DDX43: variants seen among roughly 807,000 people sequenced by gnomAD.
DDX43 encodes the protein DEAD-box helicase 43.
Under a neutral mutation model 84.9 loss-of-function variants are expected in DDX43, and 50 were observed. That is an observed-to-expected ratio of 0.59 (90% CI 0.47 to 0.75). The LOEUF (loss-of-function observed/expected upper bound fraction) is 0.75, where lower values mean the gene tolerates loss of function less well. Ranked by LOEUF, DDX43 falls within the 30% of genes least tolerant of loss-of-function variation. The pLI is 0.00. For missense variants in DDX43, 689 were observed against 798.6 expected (o/e 0.86, Z 1.65); for synonymous variants, 291 against 266.3 (o/e 1.09, Z -0.90).
chr6:73,412,399 C>T (rs12209309), intron 11 of DDX43, 107 bp downstream of exon 11: 18,365 of 765,726 alleles, frequency 0.024, 316 homozygotes, highest in East Asian at 0.045. Flanking sequence ...GGGCAAATCA[C>T]ACTTGCATAT....
Position 73,409,291 on chromosome 6 carries a change from C to T in DDX43, c.1223C>T (p.Pro408Leu). ...AAGATGTTGGACATGGGATTTGAAC[C>T]CCAGATAATGAAGATTTTGTTAGAT... is the stretch of plus-strand genomic sequence containing the variant. ...ADKMLDMGFE[P>L]QIMKILLDVR... Residue 408 changes from proline (P) to leucine (L), a missense_variant, in exon 10 of 17, where the codon CCC (proline) becomes CTC (leucine). Around this residue, in one of 2 missense-constraint regions of DDX43, gnomAD observed 552 missense variants for 692.7 expected, o/e 0.80. Transcript: ENST00000370336. The T allele has an allele frequency of 1.9e-6, 3 of 1,613,990 alleles. No individual in the cohort carries two copies. The highest frequency in any genetic ancestry group is 2.5e-6 in the Non-Finnish European group (3 of 1,179,970).
chr6:73,400,483 T>A, intron 3 of DDX43, 120 bp downstream of exon 3: 1 of 922,046 alleles, frequency 1.1e-6, no homozygotes, highest in Non-Finnish European at 1.5e-6. Flanking sequence ...AATGCAGTCT[T>A]AATGATTTTT....
rs983061443 is a variant in DDX43, at chr6:73,400,333, G to A, written c.406G>A (p.Glu136Lys). The part of the protein sequence containing the change: ...AVIDNFVKKL[E>K]ENYNSECGID... Reference sequence around the variant, plus strand: ...GATAGACAATTTTGTTAAAAAGCTAGAAGAAAATTACAATTCAGAATGCGG... The same window carrying A: ...GATAGACAATTTTGTTAAAAAGCTAAAAGAAAATTACAATTCAGAATGCGG... The change falls in exon 3 of 17, where the codon GAA (glutamate) becomes AAA (lysine). Residue 136 changes from glutamate to lysine, a missense_variant. This residue lies in a region of DDX43 where 552 missense variants were observed against 692.7 expected (regional missense o/e 0.80). Transcript: ENST00000370336. 7.5e-6 allele frequency: 12 copies of A among 1,607,232 alleles called. No individual in the cohort carries two copies. The highest frequency in any genetic ancestry group is 1.0e-5 in the Non-Finnish European group (12 of 1,177,848).
intron 11 of DDX43, among the ~76,000 whole-genome samples, chr6:73,412,534 GTGTT>G (rs752234731): frequency 5.3e-5 from 8 of 151,666 alleles, no homozygotes; most frequent in Admixed American, 6.6e-5. Flanking sequence ...GTGTGTGTGT[GTGTT>G]TGTGTCAGAG....
intron 11 of DDX43, 135 bp from the exon 12 acceptor site, chr6:73,413,523 G>T: frequency 1.3e-6 from 1 of 769,286 alleles, no homozygotes; most frequent in Non-Finnish European, 1.9e-6. Flanking sequence ...AATTTTTTTA[G>T]GACGTCTGCC....
intron 2 of DDX43, among the ~76,000 whole-genome samples, chr6:73,399,867 A>C (rs2150789523): frequency 6.6e-6 from 1 of 152,304 alleles, no homozygotes; most frequent in Middle Eastern, 3.4e-3. Context: ...AATTCTGTAA[A>C]ATTAGCGAAA....
At chr6:73,415,670 G>C in intron 15 of DDX43, 86 bp downstream of exon 15, 2 of 963,534 alleles carry the variant, frequency 2.1e-6, no homozygotes, top group Non-Finnish European at 3.1e-6. Context: ...TATTTATCAG[G>C]AAGCTTCAAA....
chr6:73,414,618 C>G lies in DDX43; in HGVS notation c.1677C>G (p.Val559=), dbSNP rs541088081. The G allele has an allele frequency of 1.2e-6, 2 of 1,613,470 alleles. No homozygotes were observed. Among genetic ancestry groups the G allele is most frequent in the Non-Finnish European group, 1.7e-6 (2 of 1,179,606 alleles). Residue 559 remains valine, a synonymous_variant, in exon 14 of 17, where the codon GTC becomes GTG. Coordinates refer to ENST00000370336, the MANE Select transcript of DDX43 (RefSeq NM_018665.3). ...RGLDVHDVTH[V]YNFDFPRNIE... Reference sequence around the variant, plus strand: ...TTGATGTCCATGACGTTACACATGTCTATAATTTTGACTTTCCACGGAATA... The same window carrying G: ...TTGATGTCCATGACGTTACACATGTGTATAATTTTGACTTTCCACGGAATA...
At position 73,416,173 on chromosome 6, in the gene DDX43, GAAATGGAAAGAA is replaced by G. The variant is rs745622983; in HGVS notation, c.1906_1917del (p.Lys636_Arg639del). 5.6e-6 allele frequency: 9 copies of G among 1,598,914 alleles called. No homozygotes were observed. The highest frequency in any genetic ancestry group is 7.7e-6 in the Non-Finnish European group (9 of 1,166,082). ...GTTTAAGGCACATCAACAGAAAAGG[GAAATGGAAAGAA>G]AAATGGAAAGACCTCAAGGAAGGCC... is the stretch of plus-strand genomic sequence containing the variant. On this transcript the variant is annotated inframe_deletion, in exon 16 of 17. Transcript: ENST00000370336.
chr6:73,395,140 G>A lies in DDX43; in HGVS notation c.235G>A (p.Val79Ile). ...GTGTTTTGCTTTGAAGAGCCACTTT[G>A]TTGGCGCGGTAATCGGTGAGAATGG... is the stretch of plus-strand genomic sequence containing the variant. ...PLCFALKSHF[V>I]GAVIGRGGSK... The change falls in exon 1 of 17, where the codon GTT (valine) becomes ATT (isoleucine). Residue 79 changes from valine to isoleucine, a missense_variant. By Grantham distance (29) the Val-to-Ile change is conservative. Around this residue, in one of 2 missense-constraint regions of DDX43, gnomAD observed 137 missense variants for 105.9 expected, o/e 1.29. Coordinates refer to ENST00000370336, the MANE Select transcript of DDX43 (RefSeq NM_018665.3). The A allele has an allele frequency of 2.5e-6, 4 of 1,613,016 alleles. No individual in the cohort carries two copies. Among genetic ancestry groups the A allele is most frequent in the Non-Finnish European group, 3.4e-6 (4 of 1,179,448 alleles).
Position 73,414,638 on chromosome 6 carries a change from G to A in DDX43, c.1697G>A (p.Arg566Gln), listed in dbSNP as rs749956304. 8.1e-6 allele frequency: 13 copies of A among 1,613,888 alleles called. No individual in the cohort carries two copies. The highest frequency in any genetic ancestry group is 1.0e-5 in the Non-Finnish European group (12 of 1,179,904). Residue 566 changes from arginine (R) to glutamine (Q), a missense_variant, in exon 14 of 17, where the codon CGG becomes CAG. By Grantham distance (43) the Arg-to-Gln change is conservative. Transcript: ENST00000370336. ...CATGTCTATAATTTTGACTTTCCAC[G>A]GAATATTGAAGAATACGTACACCGA... Reference protein sequence around the residue: ...VTHVYNFDFPRNIEEYVHRIG... With the variant: ...VTHVYNFDFPQNIEEYVHRIG...
At chr6:73,409,472 C>T (rs892634026) in intron 10 of DDX43, 124 bp downstream of exon 10, 1 of 768,908 alleles carries the variant, frequency 1.3e-6, no homozygotes, top group Non-Finnish European at 2.2e-6. Context: ...GGTGAAAGAT[C>T]TCATAACATT....
rs766641473 is a variant in DDX43 at position 73,395,123 on chromosome 6, CT to C, written c.221del (p.Leu74Ter). 9.3e-6 allele frequency: 15 copies of C among 1,613,826 alleles called. No individual in the cohort carries two copies. Among genetic ancestry groups the C allele is most frequent in the Non-Finnish European group, 1.3e-5 (15 of 1,179,880 alleles). ...AGHEELPLCF[A>X]LKSHFVGAVI... is the part of the protein sequence containing the mutation. ...CACGAGGAACTGCCGCTGTGTTTTG[CT>C]TTGAAGAGCCACTTTGTTGGCGCGG... On this transcript the variant is annotated frameshift_variant, in exon 1 of 17. Transcript: ENST00000370336. LOFTEE classifies it high-confidence loss of function.
At chr6:73,414,443 A>G (rs1769864342) in intron 13 of DDX43, 105 bp from the exon 14 acceptor site, 3 of 1,000,254 alleles carry the variant, frequency 3.0e-6, no homozygotes, top group South Asian at 1.7e-5. Context: ...TAATGTAAAC[A>G]GTAAGAAATA....
At chr6:73,404,588 C>A in intron 4 of DDX43, 102 bp from the exon 5 acceptor site, 1 of 887,004 alleles carries the variant, frequency 1.1e-6, no homozygotes, top group Non-Finnish European at 1.8e-6. Context: ...AAATGGTATG[C>A]ATGGTAAATA....
At chr6:73,405,435 C>T (rs3734516) in intron 5 of DDX43, among the ~76,000 whole-genome samples, 3,302 of 152,264 alleles carry the variant, frequency 0.022, 279 homozygotes, top group East Asian at 0.16. Context: ...CATCTTTGAT[C>T]CATGAAACAT....
At chr6:73,411,054 T>C (rs1263599665) in intron 10 of DDX43, among the ~76,000 whole-genome samples, 1 of 150,784 alleles carries the variant, frequency 6.6e-6, no homozygotes, top group Non-Finnish European at 1.5e-5. Context: ...CGGGCGCCTA[T>C]AGTCCCAGCT....
chr6:73,414,593 T>G lies in DDX43; in HGVS notation c.1652T>G (p.Leu551Arg). Residue 551 changes from leucine to arginine, a missense_variant, in exon 14 of 17, where the codon CTT becomes CGT. Physicochemically the swap from Leu to Arg is moderately radical, Grantham distance 102. Transcript: ENST00000370336. Reference protein sequence around the residue: ...LIATDLASRGLDVHDVTHVYN... With the variant: ...LIATDLASRGRDVHDVTHVYN... Reference sequence around the variant, plus strand: ...GCAACTGATCTAGCCTCTAGAGGACTTGATGTCCATGACGTTACACATGTC... The same window carrying G: ...GCAACTGATCTAGCCTCTAGAGGACGTGATGTCCATGACGTTACACATGTC... The G allele has an allele frequency of 6.2e-7, 1 of 1,613,350 alleles. No individual in the cohort carries two copies. Among genetic ancestry groups the G allele is most frequent in the East Asian group, 2.2e-5 (1 of 44,876 alleles).
At chr6:73,400,163 A>G (rs1769537543) in intron 2 of DDX43, 71 bp from the exon 3 acceptor site, 7 of 1,347,680 alleles carry the variant, frequency 5.2e-6, no homozygotes, top group Admixed American at 2.3e-5. Flanking sequence ...GGAAGGGGTT[A>G]GGGGCTTAGG....
Sources: gnomAD v4.1 joint callset for allele counts (sites outside exome capture counted in the v4.1 genomes callset) on GRCh38, gnomAD v4.1.1 for gene constraint, gnomAD v4.1.1 regional missense constraint, MANE v1.5 for transcripts, NCBI Gene and HGNC (gene_info 2026-07-23, HGNC 2026-07-21) for gene names.